Variants in AP4S1 observed in about 807,000 individuals in gnomAD.
The protein encoded by AP4S1 is adaptor related protein complex 4 subunit sigma 1.
AP4S1 carries 23 observed loss-of-function variants against 19.8 expected under a neutral mutation model. The ratio of observed to expected loss-of-function variants is 1.16; its 90% confidence interval spans 0.84 to 1.65. The LOEUF (loss-of-function observed/expected upper bound fraction) is 1.65. AP4S1 is among the 40% of genes most tolerant of loss of function. AP4S1 has a pLI of 0.00. For synonymous variants in AP4S1, 46 were observed against 54.1 expected (o/e 0.85, Z 0.66); for missense variants, 166 against 172.8 (o/e 0.96, Z 0.22).
intron 1 of AP4S1, among the ~76,000 whole-genome samples, chr14:31,043,766 T>C (rs1296836774): frequency 2.0e-5 from 3 of 152,326 alleles, no homozygotes; most frequent in Admixed American, 2.0e-4. Context: ...GATAAAAATC[T>C]GCTACTGACC....
chr14:31,049,474 TACACACACACACAC>T (rs1165169644), intron 1 of AP4S1, among the ~76,000 whole-genome samples: 4 of 57,184 alleles, frequency 7.0e-5, no homozygotes, highest in African/African-American at 1.1e-4. Context: ...TATATATATG[TACACACACACACAC>T]ACACACACAC....
intron 3 of AP4S1, among the ~76,000 whole-genome samples, chr14:31,071,544 C>T (rs1373623143): frequency 3.9e-5 from 6 of 152,084 alleles, no homozygotes; most frequent in East Asian, 1.9e-4. Context: ...CCTCAGCCTC[C>T]TGAGTAGCTA....
intron 1 of AP4S1, among the ~76,000 whole-genome samples, chr14:31,047,869 G>A (rs1474303517): frequency 6.6e-6 from 1 of 152,104 alleles, no homozygotes; most frequent in African/African-American, 2.4e-5. Context: ...AGAGATGAGG[G>A]TTTTGCCATG....
At chr14:31,072,519 C>G (rs1467849535) in intron 3 of AP4S1, among the ~76,000 whole-genome samples, 5 of 152,108 alleles carry the variant, frequency 3.3e-5, no homozygotes, top group African/African-American at 7.2e-5. Flanking sequence ...TACAGGCATG[C>G]ACCACCACAC....
Position 31,025,796 on chromosome 14 carries a change from C to T in AP4S1, c.-72+9C>T, listed in dbSNP as rs1883833691. On this transcript the variant is annotated intron_variant, in intron 1 of 5. Transcript: ENST00000542754. ...CAACCTGAGCAGCACAGGTAGGTTC[C>T]GCTCGGCCTCCCAAGGCGCCGGCTC... The T allele has an allele frequency of 1.4e-6, 2 of 1,461,318 alleles. No homozygotes were observed. The highest frequency in any genetic ancestry group is 1.8e-6 in the Non-Finnish European group (2 of 1,092,294). 90.5% of individuals were successfully genotyped at this position (1,461,318 alleles called of 1,614,324 possible).
chr14:31,077,473 C>A (rs561574265), intron 4 of AP4S1, among the ~76,000 whole-genome samples: 1 of 152,266 alleles, frequency 6.6e-6, no homozygotes, highest in Non-Finnish European at 1.5e-5. Flanking sequence ...AGTCAGCTAG[C>A]CTGTCTTCAT....
chr14:31,055,023 T>G (rs1886028167), intron 1 of AP4S1, among the ~76,000 whole-genome samples: 1 of 151,034 alleles, frequency 6.6e-6, no homozygotes, highest in African/African-American at 2.4e-5. Flanking sequence ...CAAATCCCAA[T>G]CAGGGGACAT....
intron 5 of AP4S1, chr14:31,085,854 C>G (rs909707622): frequency 1.1e-5 from 11 of 984,462 alleles, no homozygotes; most frequent in Non-Finnish European, 6.0e-6. Context: ...GCAGTTGATT[C>G]TAGAGCCCTA....
chr14:31,039,873 G>A (rs1429680780), intron 1 of AP4S1, among the ~76,000 whole-genome samples: 1 of 152,164 alleles, frequency 6.6e-6, no homozygotes, highest in African/African-American at 2.4e-5. Flanking sequence ...ACAGGCGTGA[G>A]CCACCGCGCC....
In AP4S1 at chr14:31,080,585, G is replaced by T. The variant is rs377214517; in HGVS notation, c.306+1G>T. ...TTCTGTCTTCCAGAGTGAATTAGAT[G>T]TATCCTTTTTCAATACTGTTTTCCA... On this transcript the variant is annotated splice_donor_variant, in intron 5 of 5. Transcript: ENST00000542754. LOFTEE classifies it high-confidence loss of function. 1 of 1,613,356 alleles carries T rather than the reference G, an allele frequency of 6.2e-7. No homozygotes were observed.
intron 5 of AP4S1, among the ~76,000 whole-genome samples, chr14:31,092,669 T>C (rs1888107127): frequency 6.6e-6 from 1 of 152,208 alleles, no homozygotes; most frequent in African/African-American, 2.4e-5. Flanking sequence ...AAAATGTAGC[T>C]GTTTCATTTT....
rs768336426 is a variant in AP4S1 at position 31,083,496 on chromosome 14, CTTTTTTT to C, written c.306+2932_306+2938del. 86 of 255,108 alleles carry C rather than the reference CTTTTTTT, an allele frequency of 3.4e-4. 1 individual carries two copies. Among genetic ancestry groups the C allele is most frequent in the Middle Eastern group, 2.9e-3 (2 of 696 alleles). 15.8% of individuals were successfully genotyped at this position (255,108 alleles called of 1,614,324 possible). Reference sequence around the variant, plus strand: ...GTGGCACCTCTTTTCTGTTGACACTCTTTTTTTTTTTTTTTTTTTTTTTTTTGAGACA... The same window carrying C: ...GTGGCACCTCTTTTCTGTTGACACTCTTTTTTTTTTTTTTTTTTTGAGACA... On this transcript the variant is annotated intron_variant, in intron 5 of 5. Coordinates refer to ENST00000542754, the MANE Select transcript of AP4S1 (RefSeq NM_001128126.3).
At chr14:31,078,398 T>C (rs930950732) in intron 4 of AP4S1, among the ~76,000 whole-genome samples, 12 of 152,218 alleles carry the variant, frequency 7.9e-5, no homozygotes, top group Admixed American at 5.9e-4. Context: ...TTACTTAATT[T>C]AAATCTCCAC....
intron 1 of AP4S1, among the ~76,000 whole-genome samples, chr14:31,059,363 A>G (rs562013597): frequency 1.3e-5 from 2 of 152,288 alleles, no homozygotes; most frequent in South Asian, 2.1e-4. Context: ...GTAGAAACCA[A>G]TTTGATCCCT....
chr14:31,049,083 TA>T (rs1332368343), intron 1 of AP4S1, among the ~76,000 whole-genome samples: 3 of 149,664 alleles, frequency 2.0e-5, no homozygotes, highest in Non-Finnish European at 4.4e-5. Flanking sequence ...ACCCCATCTC[TA>T]CAAAAAAAAA....
At chr14:31,055,494 A>G (rs1211702018) in intron 1 of AP4S1, among the ~76,000 whole-genome samples, 1 of 152,184 alleles carries the variant, frequency 6.6e-6, no homozygotes, top group Non-Finnish European at 1.5e-5. Context: ...TACTGTGGCC[A>G]TTGTACAGAA....
intron 1 of AP4S1, among the ~76,000 whole-genome samples, chr14:31,058,981 T>C (rs948418062): frequency 1.3e-5 from 2 of 152,112 alleles, no homozygotes; most frequent in Non-Finnish European, 2.9e-5. Context: ...CTGTCCTACC[T>C]CAGTTTCATA....
At chr14:31,032,071 CAAAAAAAAAA>C (rs71905676) in intron 1 of AP4S1, among the ~76,000 whole-genome samples, 1 of 110,608 alleles carries the variant, frequency 9.0e-6, no homozygotes, top group African/African-American at 3.1e-5. Flanking sequence ...GACCTTGTCC[CAAAAAAAAAA>C]AAAAAAAAAA....
rs1176131252 is a variant in AP4S1 at position 31,066,232 on chromosome 14, G to A, written c.36G>A (p.Gly12=). The A allele has an allele frequency of 6.2e-7, 1 of 1,613,806 alleles. No homozygotes were observed. Among genetic ancestry groups the A allele is most frequent in the Non-Finnish European group, 8.5e-7 (1 of 1,179,932 alleles). ...IKFFLMVNKQ[G]QTRLSKYYEH... The stretch of plus-strand genomic sequence containing the variant: ...TTTTCCTCATGGTGAATAAACAAGG[G>A]CAGACTCGACTTTCTAAGTACTATG... Residue 12 remains glycine, a synonymous_variant, in exon 2 of 6, where the codon GGG becomes GGA. Coordinates refer to ENST00000542754, the MANE Select transcript of AP4S1 (RefSeq NM_001128126.3).
Sources: gnomAD v4.1 joint callset for allele counts (sites outside exome capture counted in the v4.1 genomes callset) on GRCh38, gnomAD v4.1.1 for gene constraint, MANE v1.5 for transcripts, NCBI Gene and HGNC (gene_info 2026-07-23, HGNC 2026-07-21) for gene names.